The following HS3ST5 variants were observed in gnomAD, a reference collection of about 807,000 sequenced individuals.
HS3ST5 encodes the protein heparan sulfate glucosamine 3-O-sulfotransferase 5.
Under a neutral mutation model 25.4 loss-of-function variants are expected in HS3ST5, and 10 were observed. The observed-to-expected ratio is 0.39, with a 90% CI of 0.24 to 0.67. HS3ST5 has a LOEUF of 0.67. HS3ST5 is among the 30% of genes least tolerant of loss of function. HS3ST5 has a pLI of 0.44. For synonymous variants in HS3ST5, 170 were observed against 162.4 expected, an observed-to-expected ratio of 1.05 and a Z score of -0.36; for missense variants, 324 against 420.7, an observed-to-expected ratio of 0.77 and a Z score of 2.01.
At chr6:114,153,827 G>T (rs1778572351) in intron 3 of HS3ST5, among the ~76,000 whole-genome samples, 1 of 152,130 alleles carries the variant, frequency 6.6e-6, no homozygotes, top group South Asian at 2.1e-4. Flanking sequence ...AATCCTGCAG[G>T]CTGGGCATGG....
At chr6:114,088,108 T>C (rs985439597) in intron 3 of HS3ST5, among the ~76,000 whole-genome samples, 2 of 152,216 alleles carry the variant, frequency 1.3e-5, no homozygotes, top group African/African-American at 4.8e-5. Context: ...CTGAAATTAA[T>C]TTCCCGTTTC....
At chr6:114,268,537 G>A (rs933892734) in intron 1 of HS3ST5, among the ~76,000 whole-genome samples, 9 of 152,112 alleles carry the variant, frequency 5.9e-5, no homozygotes, top group South Asian at 4.2e-4. Context: ...CAGTATGAGC[G>A]CTGACCAATT....
intron 1 of HS3ST5, among the ~76,000 whole-genome samples, chr6:114,337,745 A>T (rs964234134): frequency 1.3e-5 from 2 of 152,038 alleles, no homozygotes; most frequent in African/African-American, 4.8e-5. Flanking sequence ...CTTTACATCT[A>T]ACTTGCTCCC....
chr6:114,131,229 ATATC>A (rs1777315963), intron 3 of HS3ST5: 1 of 152,160 alleles, frequency 6.6e-6, no homozygotes. Context: ...TCTAATGCAA[ATATC>A]TACTACAGAT....
chr6:114,213,071 C>A (rs1029180030), intron 2 of HS3ST5, among the ~76,000 whole-genome samples: 1 of 151,990 alleles, frequency 6.6e-6, no homozygotes, highest in East Asian at 1.9e-4. Context: ...GATTTTATTG[C>A]CGATGAAAGT....
chr6:114,180,229 C>T (rs1779908173), intron 2 of HS3ST5, among the ~76,000 whole-genome samples: 1 of 152,106 alleles, frequency 6.6e-6, no homozygotes, highest in Non-Finnish European at 1.5e-5. Flanking sequence ...CACAATACTG[C>T]TCTCTAACTC....
At chr6:114,275,401 T>C (rs1773808054) in intron 1 of HS3ST5, among the ~76,000 whole-genome samples, 1 of 152,084 alleles carries the variant, frequency 6.6e-6, no homozygotes, top group African/African-American at 2.4e-5. Flanking sequence ...TACTAAACTT[T>C]ACATTAACAC....
chr6:114,190,728 C>T (rs1780460416), intron 2 of HS3ST5, among the ~76,000 whole-genome samples: 2 of 152,102 alleles, frequency 1.3e-5, no homozygotes, highest in South Asian at 4.1e-4. Flanking sequence ...GTATATTTCT[C>T]CCAATATTAA....
At chr6:114,251,129 C>A (rs943483481) in intron 1 of HS3ST5, among the ~76,000 whole-genome samples, 1 of 152,116 alleles carries the variant, frequency 6.6e-6, no homozygotes, top group African/African-American at 2.4e-5. Flanking sequence ...GGGGTAAATT[C>A]TTGAATCAAA....
intron 1 of HS3ST5, among the ~76,000 whole-genome samples, chr6:114,297,507 C>A (rs187126439): frequency 1.6e-3 from 239 of 152,296 alleles, no homozygotes; most frequent in Non-Finnish European, 9.7e-4. Flanking sequence ...AGCATCTTTC[C>A]AGACTTTTTT....
intron 3 of HS3ST5, among the ~76,000 whole-genome samples, chr6:114,122,409 A>G (rs948740188): frequency 1.1e-4 from 16 of 152,106 alleles, no homozygotes; most frequent in Non-Finnish European, 2.2e-4. Context: ...CTCTACCCTC[A>G]TGGGGTGGGG....
At chr6:114,320,931 T>TATAC (rs1775945851) in intron 1 of HS3ST5, among the ~76,000 whole-genome samples, 2 of 113,740 alleles carry the variant, frequency 1.8e-5, no homozygotes, top group African/African-American at 7.0e-5. Context: ...TATATATATA[T>TATAC]ACATATATAA....
intron 3 of HS3ST5, among the ~76,000 whole-genome samples, chr6:114,089,367 C>T (rs1582587728): frequency 1.3e-5 from 2 of 152,170 alleles, no homozygotes; most frequent in African/African-American, 4.8e-5. Flanking sequence ...ATCTTGCTGG[C>T]ATTTTTCTGT....
intron 2 of HS3ST5, among the ~76,000 whole-genome samples, chr6:114,213,813 T>C (rs1781626466): frequency 6.6e-6 from 1 of 152,176 alleles, no homozygotes; most frequent in African/African-American, 2.4e-5. Flanking sequence ...CAGTCCATCT[T>C]TGATCCCCAC....
At chr6:114,060,818 T>C (rs1344418871) in intron 4 of HS3ST5, among the ~76,000 whole-genome samples, 1 of 152,200 alleles carries the variant, frequency 6.6e-6, no homozygotes, top group Non-Finnish European at 1.5e-5. Flanking sequence ...TAGTCGCTTT[T>C]TGGACTCCCT....
chr6:114,203,975 G>A (rs1200392566), intron 2 of HS3ST5, among the ~76,000 whole-genome samples: 13 of 152,148 alleles, frequency 8.5e-5, no homozygotes, highest in Non-Finnish European at 1.9e-4. Context: ...TACATAGGGA[G>A]AACCACAGAG....
intron 3 of HS3ST5, among the ~76,000 whole-genome samples, chr6:114,117,280 TG>T (rs1776576991): frequency 6.6e-6 from 1 of 152,184 alleles, no homozygotes. Flanking sequence ...TGGCTCCATG[TG>T]ATCATGGTTT....
intron 1 of HS3ST5, among the ~76,000 whole-genome samples, chr6:114,256,114 T>C (rs1055872297): frequency 3.3e-5 from 5 of 152,118 alleles, no homozygotes; most frequent in Non-Finnish European, 5.9e-5. Context: ...AGTGGCCAGG[T>C]GCAGTGGCTC....
At chr6:114,135,138 T>C (rs1167038212) in intron 3 of HS3ST5, among the ~76,000 whole-genome samples, 1 of 152,216 alleles carries the variant, frequency 6.6e-6, no homozygotes, top group Non-Finnish European at 1.5e-5. Flanking sequence ...CACCATGAGC[T>C]CTTTCTTCAG....
Sources: allele counts gnomAD v4.1 joint callset (sites outside exome capture counted in the v4.1 genomes callset), GRCh38; gene constraint gnomAD v4.1.1; transcripts MANE v1.5; gene names NCBI Gene and HGNC (gene_info 2026-07-23, HGNC 2026-07-21).